The following RPUSD2 variants were observed in gnomAD, a reference collection of about 807,000 sequenced individuals.
RPUSD2 encodes pseudouridylate synthase RPUSD2.
RPUSD2 carries 31 observed loss-of-function variants against 41.5 expected under a neutral mutation model. That is an observed-to-expected ratio of 0.75 (90% confidence interval 0.56 to 1.01). RPUSD2 has a LOEUF of 1.01. Among genes scored for constraint, RPUSD2 ranks in the 50% least tolerant of loss-of-function variants. The pLI is 0.00. For synonymous variants in RPUSD2, 305 were observed against 289.7 expected (o/e 1.05, Z -0.54); for missense variants, 749 against 724.7 (o/e 1.03, Z -0.38).
At position 40,569,622 on chromosome 15, in the gene RPUSD2, C is replaced by G. The variant is rs1208820693; in HGVS notation, c.285C>G (p.Gly95=). Residue 95 remains glycine (G), a synonymous_variant, in exon 1 of 3, where the codon GGC becomes GGG. Transcript: ENST00000315616. Reference sequence around the variant, plus strand: ...AGCATCCCTCGGCTGCAGCCCCAGGCCCGGGCAAGCATAAGAAGCGGCGGG... The same window carrying G: ...AGCATCCCTCGGCTGCAGCCCCAGGGCCGGGCAAGCATAAGAAGCGGCGGG... The part of the protein sequence containing the change: ...GGEHPSAAAP[G]PGKHKKRRGA... 1 of 1,537,966 alleles carries G rather than the reference C, an allele frequency of 6.5e-7. No individual in the cohort carries two copies. The highest frequency in any genetic ancestry group is 1.2e-5 in the South Asian group (1 of 80,450).
Position 40,573,921 on chromosome 15 carries a change from G to C in RPUSD2, c.1298G>C (p.Gly433Ala). Reference protein sequence around the residue: ...QSLDVLDLCEGDLSPGLTDST... With the variant: ...QSLDVLDLCEADLSPGLTDST... Reference sequence around the variant, plus strand: ...CTGGATGTGCTAGATCTCTGTGAGGGTGACCTGTCCCCAGGACTCACAGAC... The same window carrying C: ...CTGGATGTGCTAGATCTCTGTGAGGCTGACCTGTCCCCAGGACTCACAGAC... The change falls in exon 3 of 3, where the codon GGT becomes GCT. Residue 433 changes from glycine (G) to alanine (A), a missense_variant. Physicochemically the swap from Gly to Ala is moderately conservative, Grantham distance 60. Coordinates refer to ENST00000315616, the MANE Select transcript of RPUSD2 (RefSeq NM_152260.3). 4 of 1,614,150 alleles carry C rather than the reference G, an allele frequency of 2.5e-6. No individual in the cohort carries two copies. The highest frequency in any genetic ancestry group is 3.4e-6 in the Non-Finnish European group (4 of 1,180,024).
At position 40,569,396 on chromosome 15, in the gene RPUSD2, G is replaced by A. The variant is rs773352718; in HGVS notation, c.59G>A (p.Arg20Lys). The A allele has an allele frequency of 6.5e-7, 1 of 1,528,524 alleles. No homozygotes were observed. The highest frequency in any genetic ancestry group is 8.7e-7 in the Non-Finnish European group (1 of 1,144,468). 94.7% of individuals were successfully genotyped at this position (1,528,524 alleles called of 1,614,324 possible). Residue 20 changes from arginine to lysine, a missense_variant, in exon 1 of 3, where the codon AGG (arginine) becomes AAG (lysine). Transcript: ENST00000315616. ...RVLGHWRYDL[R>K]RPSFTRTWSG... ...CTTGGACATTGGCGCTACGACCTTA[G>A]GCGCCCTAGCTTTACCAGGACTTGG... is the stretch of plus-strand genomic sequence containing the variant.
chr15:40,572,396 A>G (rs1891162098), intron 2 of RPUSD2, among the ~76,000 whole-genome samples: 2 of 152,020 alleles, frequency 1.3e-5, no homozygotes, highest in Admixed American at 1.3e-4. Context: ...CCCCGTCTCT[A>G]CTAAAAAAAA....
Position 40,574,075 on chromosome 15 carries a change from G to A in RPUSD2, c.1452G>A (p.Lys484=), listed in dbSNP as rs139719919. 1 of 1,614,204 alleles carries A rather than the reference G, an allele frequency of 6.2e-7. No individual in the cohort carries two copies. The highest frequency in any genetic ancestry group is 8.5e-7 in the Non-Finnish European group (1 of 1,180,050). Residue 484 remains lysine, a synonymous_variant, in exon 3 of 3, where the codon AAG becomes AAA. Transcript: ENST00000315616. ...ACACAATAGCCTTGGCATCAGAGAA[G>A]GCAGTTGAAACAGATGTCATGAATC... is the stretch of plus-strand genomic sequence containing the variant. ...ELDTIALASE[K]AVETDVMNQE...
Position 40,569,547 on chromosome 15 carries a change from G to A in RPUSD2, c.210G>A (p.Gly70=). Residue 70 remains glycine, a synonymous_variant, in exon 1 of 3, where the codon GGG becomes GGA. Transcript: ENST00000315616. ...GGDAKVELSP[G]PPKPAGREVE... ...ACGCGAAGGTTGAGCTGTCCCCCGG[G>A]CCCCCGAAGCCGGCTGGCCGGGAAG... 4 of 1,534,092 alleles carry A rather than the reference G, an allele frequency of 2.6e-6. No individual in the cohort carries two copies. The highest frequency in any genetic ancestry group is 3.5e-6 in the Non-Finnish European group (4 of 1,144,824).
In RPUSD2 at chr15:40,569,425, G is replaced by A. The variant is rs753026802; in HGVS notation, c.88G>A (p.Gly30Ser). Reference sequence around the variant, plus strand: ...CCCTAGCTTTACCAGGACTTGGAGTGGCGATAAGGGCCCAATGGCAGAAAC... The same window carrying A: ...CCCTAGCTTTACCAGGACTTGGAGTAGCGATAAGGGCCCAATGGCAGAAAC... ...RRPSFTRTWSGDKGPMAETVS... is the reference protein window; with the variant it reads ...RRPSFTRTWSSDKGPMAETVS... The change falls in exon 1 of 3, where the codon GGC (glycine) becomes AGC (serine). Residue 30 changes from glycine (G) to serine (S), a missense_variant. By Grantham distance (56) the Gly-to-Ser change is moderately conservative (BLOSUM62 0). Transcript: ENST00000315616. The A allele has an allele frequency of 1.3e-6, 2 of 1,557,576 alleles. No homozygotes were observed. The highest frequency in any genetic ancestry group is 1.7e-6 in the Non-Finnish European group (2 of 1,157,456).
chr15:40,571,829 T>G lies in RPUSD2; in HGVS notation c.832T>G (p.Ser278Ala), dbSNP rs1289270908. 6.2e-7 allele frequency: 1 copy of G among 1,614,182 alleles called. No individual in the cohort carries two copies. Residue 278 changes from serine (S) to alanine (A), a missense_variant, in exon 2 of 3, where the codon TCA becomes GCA. Ser to Ala is a moderately conservative substitution (Grantham distance 99). Coordinates refer to ENST00000315616, the MANE Select transcript of RPUSD2 (RefSeq NM_152260.3). ...CTTGCATCGGCTTGACCGCCTTACCTCAGGGGTGCTTATGTTTGCCAAGAC... is the reference window on the plus strand; with the variant it reads ...CTTGCATCGGCTTGACCGCCTTACCGCAGGGGTGCTTATGTTTGCCAAGAC... The part of the protein sequence containing the change: ...HPLHRLDRLT[S>A]GVLMFAKTAA...
rs186276911 is a variant in RPUSD2, at chr15:40,573,642, G to T, written c.1019G>T (p.Arg340Leu). 2 of 1,605,926 alleles carry T rather than the reference G, an allele frequency of 1.2e-6. No homozygotes were observed. The highest frequency in any genetic ancestry group is 3.4e-5 in the Admixed American group (2 of 59,076). ...YKVGVCRVDP[R>L]GKPCETVFQR... The stretch of plus-strand genomic sequence containing the variant: ...GTAGGGGTGTGCCGTGTAGATCCCC[G>T]GGGCAAGCCCTGTGAGACAGTGTTC... The change falls in exon 3 of 3, where the codon CGG becomes CTG. Residue 340 changes from arginine (R) to leucine (L), a missense_variant. Transcript: ENST00000315616.
rs1177880719 is a variant in RPUSD2 at position 40,574,113 on chromosome 15, C to T, written c.1490C>T (p.Pro497Leu). Residue 497 changes from proline (P) to leucine (L), a missense_variant, in exon 3 of 3, where the codon CCA becomes CTA. Coordinates refer to ENST00000315616, the MANE Select transcript of RPUSD2 (RefSeq NM_152260.3). Reference protein sequence around the residue: ...ETDVMNQETDPLCAECRLVRQ... With the variant: ...ETDVMNQETDLLCAECRLVRQ... ...GATGTCATGAATCAAGAGACAGACCCACTCTGTGCAGAGTGCCGGCTGGTG... is the reference window on the plus strand; with the variant it reads ...GATGTCATGAATCAAGAGACAGACCTACTCTGTGCAGAGTGCCGGCTGGTG... The T allele has an allele frequency of 1.4e-5, 22 of 1,614,200 alleles. No individual in the cohort carries two copies. The highest frequency in any genetic ancestry group is 6.7e-5 in the East Asian group (3 of 44,890).
rs768054644 is a variant in RPUSD2 at position 40,571,866 on chromosome 15, CTG to C, written c.870_871del (p.Arg292AsnfsTer25). 2 of 1,614,100 alleles carry C rather than the reference CTG, an allele frequency of 1.2e-6. No individual in the cohort carries two copies. The highest frequency in any genetic ancestry group is 1.7e-6 in the Non-Finnish European group (2 of 1,179,946). ...ATGTTTGCCAAGACAGCTGCAGTCT[CTG>C]AGAGAATTCACGAGCAGGTTCGGGA... On this transcript the variant is annotated frameshift_variant, in exon 2 of 3. Transcript: ENST00000315616. LOFTEE classifies it high-confidence loss of function.
At position 40,569,374 on chromosome 15, in the gene RPUSD2, G is replaced by T. The variant is rs200596069; in HGVS notation, c.37G>T (p.Gly13Ter). 2 of 1,515,174 alleles carry T rather than the reference G, an allele frequency of 1.3e-6. No homozygotes were observed. Among genetic ancestry groups the T allele is most frequent in the African/African-American group, 2.8e-5 (2 of 71,570 alleles). The allele number at this position is 1,515,174 out of a possible 1,614,324, so 93.9% of individuals were successfully genotyped here. ...CCGCCGCGGATGGCTCAGGGTTCTT[G>T]GACATTGGCGCTACGACCTTAGGCG... ...LDRRGWLRVLGHWRYDLRRPS... is the reference protein window; with the variant it reads ...LDRRGWLRVL Residue 13 changes from glycine to a stop codon, truncating the protein, a stop_gained, in exon 1 of 3, where the codon GGA (glycine) becomes TGA (stop). Coordinates refer to ENST00000315616, the MANE Select transcript of RPUSD2 (RefSeq NM_152260.3). LOFTEE classifies it high-confidence loss of function.
In RPUSD2 at chr15:40,571,640, G is replaced by C; in HGVS notation, c.643G>C (p.Glu215Gln). The C allele has an allele frequency of 6.2e-7, 1 of 1,614,248 alleles. No homozygotes were observed. Among genetic ancestry groups the C allele is most frequent in the Admixed American group, 1.7e-5 (1 of 60,030 alleles). Residue 215 changes from glutamate to glutamine, a missense_variant, in exon 2 of 3, where the codon GAG becomes CAG. Physicochemically the swap from Glu to Gln is conservative, Grantham distance 29 (BLOSUM62 2). Coordinates refer to ENST00000315616, the MANE Select transcript of RPUSD2 (RefSeq NM_152260.3). ...CTTGCGGAACACAGTGCACAGGCAT[G>C]AGCCACCAGTCACAGCAGAGCCCAT... ...DFLRNTVHRH[E>Q]PPVTAEPIRL...
At position 40,571,675 on chromosome 15, in the gene RPUSD2, A is replaced by G; in HGVS notation, c.678A>G (p.Leu226=). 1 of 1,614,250 alleles carries G rather than the reference A, an allele frequency of 6.2e-7. No homozygotes were observed. ...TCACAGCAGAGCCCATTCGCCTGCT[A>G]GCTGAGAACGAAGATGTGGTGGTTG... The part of the protein sequence containing the change: ...PPVTAEPIRL[L]AENEDVVVVD... The change falls in exon 2 of 3, where the codon CTA becomes CTG. Residue 226 remains leucine (L), a synonymous_variant. Coordinates refer to ENST00000315616, the MANE Select transcript of RPUSD2 (RefSeq NM_152260.3).
chr15:40,570,999 T>TA (rs929809746), intron 1 of RPUSD2, among the ~76,000 whole-genome samples: 15 of 151,766 alleles, frequency 9.9e-5, no homozygotes, highest in African/African-American at 3.6e-4. Context: ...ATTATTTATT[T>TA]TTTTTTTTTT....
chr15:40,573,848 G>T lies in RPUSD2; in HGVS notation c.1225G>T (p.Glu409Ter). The change falls in exon 3 of 3, where the codon GAG becomes TAG. Residue 409 changes from glutamate (E) to a stop codon, truncating the protein, a stop_gained. Transcript: ENST00000315616. LOFTEE classifies it high-confidence loss of function. The stretch of plus-strand genomic sequence containing the variant: ...GGGCGGCTACATTCCCAAGACAAAC[G>T]AGGAGTTGCTACGGGACCTGGTAGC... ...GRGGYIPKTNEELLRDLVAEH... is the reference protein window; with the variant it reads ...GRGGYIPKTN 1 of 1,614,148 alleles carries T rather than the reference G, an allele frequency of 6.2e-7. No individual in the cohort carries two copies. Among genetic ancestry groups the T allele is most frequent in the Non-Finnish European group, 8.5e-7 (1 of 1,180,012 alleles).
In RPUSD2 at chr15:40,569,627, G is replaced by C. The variant is rs756096507; in HGVS notation, c.290G>C (p.Gly97Ala). ...EHPSAAAPGPGKHKKRRGATR... is the reference protein window; with the variant it reads ...EHPSAAAPGPAKHKKRRGATR... ...CCCTCGGCTGCAGCCCCAGGCCCGG[G>C]CAAGCATAAGAAGCGGCGGGGCGCA... Residue 97 changes from glycine to alanine, a missense_variant, in exon 1 of 3, where the codon GGC (glycine) becomes GCC (alanine). Coordinates refer to ENST00000315616, the MANE Select transcript of RPUSD2 (RefSeq NM_152260.3). 1 of 1,539,104 alleles carries C rather than the reference G, an allele frequency of 6.5e-7. No individual in the cohort carries two copies. The highest frequency in any genetic ancestry group is 1.9e-5 in the Admixed American group (1 of 51,288).
In RPUSD2 at chr15:40,569,930, A is replaced by G; in HGVS notation, c.593A>G (p.Asn198Ser). The G allele has an allele frequency of 6.5e-7, 1 of 1,550,202 alleles. No individual in the cohort carries two copies. Among genetic ancestry groups the G allele is most frequent in the Non-Finnish European group, 8.7e-7 (1 of 1,148,536 alleles). ...QLNEKPVQDL[N>S]IVLKDNDFLR... is the part of the protein sequence containing the mutation. ...AACGAGAAGCCGGTGCAGGACCTCA[A>G]CATCGTGCTCAAGGTGGAGTCCTGA... The change falls in exon 1 of 3, where the codon AAC becomes AGC. Residue 198 changes from asparagine (N) to serine (S), a missense_variant. By Grantham distance (46) the Asn-to-Ser change is conservative (BLOSUM62 1). Coordinates refer to ENST00000315616, the MANE Select transcript of RPUSD2 (RefSeq NM_152260.3).
Position 40,573,861 on chromosome 15 carries a change from G to A in RPUSD2, c.1238G>A (p.Arg413Gln), listed in dbSNP as rs371301641. Residue 413 changes from arginine to glutamine, a missense_variant, in exon 3 of 3, where the codon CGG becomes CAG. Transcript: ENST00000315616. ...YIPKTNEELL[R>Q]DLVAEHQAKQ... Reference sequence around the variant, plus strand: ...CCCAAGACAAACGAGGAGTTGCTACGGGACCTGGTAGCAGAGCACCAGGCC... The same window carrying A: ...CCCAAGACAAACGAGGAGTTGCTACAGGACCTGGTAGCAGAGCACCAGGCC... 34 of 1,614,106 alleles carry A rather than the reference G, an allele frequency of 2.1e-5. No homozygotes were observed. In the South Asian group the frequency reaches 2.2e-4, roughly 10 times the overall value.
At chr15:40,571,562 GC>G in intron 1 of RPUSD2, 41 bp from the exon 2 acceptor site, 1 of 1,583,502 alleles carries the variant, frequency 6.3e-7, no homozygotes. Context: ...CTGATTACAG[GC>G]TGCGGTCCCT....
Sources: gnomAD v4.1 joint callset for allele counts (sites outside exome capture counted in the v4.1 genomes callset) on GRCh38, gnomAD v4.1.1 for gene constraint, MANE v1.5 for transcripts, NCBI Gene and HGNC (gene_info 2026-07-23, HGNC 2026-07-21) for gene names.